The following SEL1L3 variants were observed in gnomAD, a reference collection of about 807,000 sequenced individuals.
SEL1L3 encodes protein sel-1 homolog 3.
Under a neutral mutation model 142.8 loss-of-function variants are expected in SEL1L3, and 76 were observed. The ratio of observed to expected loss-of-function variants is 0.53; its 90% CI spans 0.44 to 0.64. The LOEUF (loss-of-function observed/expected upper bound fraction) is 0.64. SEL1L3 is among the 30% of genes least tolerant of loss of function. The probability of loss-of-function intolerance (pLI) is 0.00; values close to 1 mark genes in which losing one functional copy is unlikely to be tolerated. For missense variants in SEL1L3, 1,262 were observed against 1,381.7 expected (o/e 0.91, Z 1.37); for synonymous variants, 504 against 519.6 (o/e 0.97, Z 0.41).
Position 25,788,392 on chromosome 4 carries a change from T to G in SEL1L3, c.2077-28A>C. On this transcript the variant is annotated intron_variant, in intron 12 of 23. Coordinates refer to ENST00000399878, the MANE Select transcript of SEL1L3 (RefSeq NM_015187.5). The surrounding 1 kb of genome is among the most constrained non-coding windows in gnomAD (Gnocchi z 5.3). ...TAAAGATAATAGCAATTTAGAACAA[T>G]GACTTTTCCTGTATAATGCTTAACA... The G allele has an allele frequency of 6.2e-7, 1 of 1,611,694 alleles. No homozygotes were observed. Among genetic ancestry groups the G allele is most frequent in the Non-Finnish European group, 8.5e-7 (1 of 1,178,920 alleles).
At chr4:25,739,567 T>C in the SEL1L3 span, among the ~76,000 whole-genome samples, 1 of 152,012 alleles carries the variant, frequency 6.6e-6, no homozygotes, top group African/African-American at 2.4e-5. Context: ...CAGCTGGGCA[T>C]GGTGGCACGC....
intron 8 of SEL1L3, 134 bp from the exon 9 acceptor site, chr4:25,818,412 T>C (rs1714539253): frequency 2.5e-6 from 2 of 810,200 alleles, no homozygotes; most frequent in African/African-American, 1.8e-5. Context: ...CTTTTGGGAT[T>C]TGAAATTGGC....
rs1404814475 is a variant in SEL1L3 at position 25,849,321 on chromosome 4, T to C, written c.163-1457A>G. Among the ~76,000 whole-genome samples the C allele has an allele frequency of 5.3e-5, 8 of 152,314 alleles. No homozygotes were observed. The South Asian group carries it at 1.7e-3, about 32-fold the overall frequency. On this transcript the variant is annotated intron_variant, in intron 1 of 23. Transcript: ENST00000399878. ...GAATGGGTAGAAAAAATGTGGTATA[T>C]ACATGGGATGGAATATTATTCAGCC...
intron 9 of SEL1L3, among the ~76,000 whole-genome samples, chr4:25,817,690 C>T (rs1230219888): frequency 6.6e-6 from 1 of 152,198 alleles, no homozygotes; most frequent in Non-Finnish European, 1.5e-5. Flanking sequence ...GCCTCACCTC[C>T]ACAATTGCTG....
At chr4:25,729,924 T>C in the SEL1L3 span, among the ~76,000 whole-genome samples, 112 of 148,164 alleles carry the variant, frequency 7.6e-4, 1 homozygote, top group African/African-American at 2.9e-3. Context: ...TTCTTCTTCT[T>C]CTCCTTCTTC....
intron 2 of SEL1L3, among the ~76,000 whole-genome samples, chr4:25,838,492 A>C (rs1029502122): frequency 2.6e-5 from 4 of 152,222 alleles, no homozygotes; most frequent in African/African-American, 9.6e-5. Flanking sequence ...TGGCCTCCCC[A>C]CTGCAAACCA....
At position 25,779,059 on chromosome 4, in the gene SEL1L3, G is replaced by A. The variant is rs746455163; in HGVS notation, c.2585+17C>T. ...ATATGGCTTTCCCTTCAAATGCAAC[G>A]TTTGACAGAGTCTTACACAACAGCT... On this transcript the variant is annotated intron_variant, in intron 16 of 23. Coordinates refer to ENST00000399878, the MANE Select transcript of SEL1L3 (RefSeq NM_015187.5). The A allele has an allele frequency of 3.7e-6, 6 of 1,611,820 alleles. No homozygotes were observed. Among genetic ancestry groups the A allele is most frequent in the Non-Finnish European group, 4.2e-6 (5 of 1,178,630 alleles).
At chr4:25,717,194 A>T in the SEL1L3 span, among the ~76,000 whole-genome samples, 3 of 152,176 alleles carry the variant, frequency 2.0e-5, no homozygotes, top group Non-Finnish European at 4.4e-5. Flanking sequence ...TATGTAGCAC[A>T]AAAATTAAAA....
At chr4:25,714,584 T>A in the SEL1L3 span, among the ~76,000 whole-genome samples, 1 of 150,536 alleles carries the variant, frequency 6.6e-6, no homozygotes, top group Non-Finnish European at 1.5e-5. Context: ...TTTCTTTTTT[T>A]TTTTTGAGAC....
At chr4:25,818,522 C>G (rs1466529096) in intron 8 of SEL1L3, among the ~76,000 whole-genome samples, 1 of 152,168 alleles carries the variant, frequency 6.6e-6, no homozygotes, top group Non-Finnish European at 1.5e-5. Flanking sequence ...GAATGAGCAG[C>G]TGGCCTCTGA....
chr4:25,728,868 A>G, the SEL1L3 span, among the ~76,000 whole-genome samples: 5,009 of 151,784 alleles, frequency 0.033, 292 homozygotes, highest in African/African-American at 0.11. Context: ...GTCAAAAAAA[A>G]AAAAAAAAAA....
At chr4:25,728,350 C>T in the SEL1L3 span, among the ~76,000 whole-genome samples, 1 of 152,108 alleles carries the variant, frequency 6.6e-6, no homozygotes, top group South Asian at 2.1e-4. Context: ...GAGAGGCTGC[C>T]TCTTCTGAGC....
intron 17 of SEL1L3, among the ~76,000 whole-genome samples, chr4:25,774,221 GA>G (rs1186520951): frequency 6.6e-6 from 1 of 152,192 alleles, no homozygotes; most frequent in Non-Finnish European, 1.5e-5. Context: ...AGATCAGATA[GA>G]ATATGGGCCA....
Position 25,790,575 on chromosome 4 carries a change from C to T in SEL1L3, c.1957-1G>A, listed in dbSNP as rs1712225442. 5.1e-6 allele frequency: 8 copies of T among 1,573,492 alleles called. No homozygotes were observed. In the East Asian group the frequency reaches 1.2e-4, roughly 23 times the overall value. On this transcript the variant is annotated splice_acceptor_variant, in intron 11 of 23. Transcript: ENST00000399878. LOFTEE classifies it high-confidence loss of function. ...TTAGTCTAATTGTTTCAACATATGC[C>T]TGAGAAGGAAGGAGGGAAAGAAGGA...
At chr4:25,763,766 G>A (rs1243332609) in intron 20 of SEL1L3, among the ~76,000 whole-genome samples, 1 of 152,112 alleles carries the variant, frequency 6.6e-6, no homozygotes. Context: ...CTTGAGCCTG[G>A]GGGACCAAGG....
chr4:25,721,769 C>T, the SEL1L3 span, among the ~76,000 whole-genome samples: 1 of 152,140 alleles, frequency 6.6e-6, no homozygotes, highest in Non-Finnish European at 1.5e-5. Context: ...TGAAAATAAC[C>T]CACCTCCCAC....
At chr4:25,862,433 G>T (rs2109334948) in intron 1 of SEL1L3, among the ~76,000 whole-genome samples, 1 of 152,242 alleles carries the variant, frequency 6.6e-6, no homozygotes, top group South Asian at 2.1e-4. Flanking sequence ...TCTAGAGAGA[G>T]TCCAGGAGGG....
Position 25,845,248 on chromosome 4 carries a change from A to C in SEL1L3, c.733+2046T>G, listed in dbSNP as rs1004642816. On this transcript the variant is annotated intron_variant, in intron 2 of 23. Transcript: ENST00000399878. ...TATTTCAAAATAGTTTTAATTCAGC[A>C]CTTTGGAAGGCCAAGGTGGGAGGAC... is the stretch of plus-strand genomic sequence containing the variant. Among the ~76,000 whole-genome samples the C allele has an allele frequency of 3.3e-5, 5 of 152,218 alleles. 1 individual carries two copies. Among genetic ancestry groups the C allele is most frequent in the Admixed American group, 1.3e-4 (2 of 15,288 alleles).
chr4:25,796,861 A>G (rs1434412834), intron 11 of SEL1L3, among the ~76,000 whole-genome samples: 1 of 134,830 alleles, frequency 7.4e-6, no homozygotes, highest in Non-Finnish European at 1.6e-5. Context: ...AACAGAGCAT[A>G]AAGACAGAAA....
Sources: gnomAD v4.1 joint callset for allele counts (sites outside exome capture counted in the v4.1 genomes callset) on GRCh38, gnomAD v4.1.1 for gene constraint, Gnocchi (gnomAD v3.1) non-coding constraint, MANE v1.5 for transcripts, NCBI Gene and HGNC (gene_info 2026-07-23, HGNC 2026-07-21) for gene names.